Variants in TEAD1 observed in about 807,000 individuals in gnomAD.
TEAD1 encodes transcriptional enhancer factor TEF-1.
TEAD1 carries 9 observed loss-of-function variants against 54.9 expected under a neutral mutation model. That is an observed-to-expected ratio of 0.16 (90% confidence interval 0.10 to 0.29). The LOEUF (loss-of-function observed/expected upper bound fraction) is 0.29, where lower values mean the gene tolerates loss of function less well. TEAD1 is among the 10% of genes least tolerant of loss of function. The probability of loss-of-function intolerance (pLI) is 1.00; values close to 1 mark genes in which losing one functional copy is unlikely to be tolerated. For synonymous variants in TEAD1, 200 were observed against 187.8 expected, an observed-to-expected ratio of 1.07 and a Z score of -0.53; for missense variants, 387 against 535.9, an observed-to-expected ratio of 0.72 and a Z score of 2.74.
intron 3 of TEAD1, among the ~76,000 whole-genome samples, chr11:12,812,759 A>G (rs542657651): frequency 2.0e-5 from 3 of 152,324 alleles, no homozygotes; most frequent in South Asian, 4.1e-4. Flanking sequence ...TCTTCACCAA[A>G]TCATTCCCTT....
intron 3 of TEAD1, among the ~76,000 whole-genome samples, chr11:12,796,392 A>AGGAAGAGTTGC (rs1262889822): frequency 2.6e-5 from 4 of 152,210 alleles, no homozygotes; most frequent in African/African-American, 9.6e-5. Context: ...TTGGGGTACA[A>AGGAAGAGTTGC]GGAAGAGTTG....
chr11:12,704,929 A>T (rs1167256682), intron 2 of TEAD1, among the ~76,000 whole-genome samples: 1 of 152,244 alleles, frequency 6.6e-6, no homozygotes, highest in African/African-American at 2.4e-5. Flanking sequence ...ATTTATGCTA[A>T]TGAAAACATA....
chr11:12,928,899 G>T (rs78117148), intron 11 of TEAD1, among the ~76,000 whole-genome samples: 1 of 152,154 alleles, frequency 6.6e-6, no homozygotes, highest in East Asian at 1.9e-4. Context: ...TCTCTTAGCA[G>T]TTTTCGAGGA....
intron 2 of TEAD1, among the ~76,000 whole-genome samples, chr11:12,736,250 T>C (rs1590099045): frequency 6.6e-6 from 1 of 152,224 alleles, no homozygotes; most frequent in South Asian, 2.1e-4. Flanking sequence ...TATGTGGACA[T>C]GTGTACAGCC....
intron 2 of TEAD1, among the ~76,000 whole-genome samples, chr11:12,754,031 A>G (rs1465471485): frequency 6.6e-6 from 1 of 152,238 alleles, no homozygotes; most frequent in African/African-American, 2.4e-5. Flanking sequence ...GTTACAAATC[A>G]AGTGAACGTA....
At chr11:12,729,512 G>T (rs1311997178) in intron 2 of TEAD1, among the ~76,000 whole-genome samples, 1 of 152,218 alleles carries the variant, frequency 6.6e-6, no homozygotes, top group East Asian at 1.9e-4. Context: ...GTGCACTAGG[G>T]ATTGTGGAGA....
chr11:12,748,795 G>T (rs1944805321), intron 2 of TEAD1, among the ~76,000 whole-genome samples: 1 of 151,750 alleles, frequency 6.6e-6, no homozygotes, highest in African/African-American at 2.4e-5. Context: ...AGGCAGAAAT[G>T]GTGCGGTCCT....
intron 2 of TEAD1, among the ~76,000 whole-genome samples, chr11:12,709,064 G>A (rs977244280): frequency 1.3e-5 from 2 of 152,152 alleles, no homozygotes; most frequent in Non-Finnish European, 2.9e-5. Context: ...TGGGCTGGGT[G>A]CGGTAGCTCA....
chr11:12,892,064 G>A (rs1231930507), intron 9 of TEAD1, among the ~76,000 whole-genome samples: 1 of 152,240 alleles, frequency 6.6e-6, no homozygotes, highest in Non-Finnish European at 1.5e-5. Context: ...GAGCCCGCAT[G>A]GAAGGTCTGT....
At chr11:12,828,221 A>G (rs1192340662) in intron 3 of TEAD1, 6 of 152,208 alleles carry the variant, frequency 3.9e-5, no homozygotes, top group Admixed American at 1.3e-4. Context: ...CTTGATTCAC[A>G]AGGACGCTAA....
At chr11:12,768,590 T>C (rs1945254039) in intron 3 of TEAD1, among the ~76,000 whole-genome samples, 1 of 152,210 alleles carries the variant, frequency 6.6e-6, no homozygotes, top group Admixed American at 6.5e-5. Context: ...GGTTTCAAAT[T>C]CAGGGCTGTC....
intron 3 of TEAD1, 117 bp downstream of exon 3, chr11:12,764,551 A>G: frequency 8.0e-7 from 1 of 1,249,284 alleles, no homozygotes; most frequent in Non-Finnish European, 1.2e-6. Flanking sequence ...TGATATTTGT[A>G]GAATTTTAGT....
chr11:12,707,291 G>T (rs1015407022), intron 2 of TEAD1, among the ~76,000 whole-genome samples: 4 of 151,912 alleles, frequency 2.6e-5, no homozygotes, highest in African/African-American at 9.7e-5. Context: ...TCCTCCTCAT[G>T]CTGTTTGCTT....
At chr11:12,914,700 C>T (rs554738714) in intron 10 of TEAD1, among the ~76,000 whole-genome samples, 1 of 152,372 alleles carries the variant, frequency 6.6e-6, no homozygotes, top group South Asian at 2.1e-4. Flanking sequence ...TCCCCCTTCT[C>T]TCTGCCCATG....
intron 10 of TEAD1, among the ~76,000 whole-genome samples, chr11:12,908,590 A>G (rs1039500860): frequency 1.3e-5 from 2 of 152,220 alleles, no homozygotes; most frequent in South Asian, 2.1e-4. Flanking sequence ...TGAATAAACT[A>G]TTACCAGGAA....
intron 2 of TEAD1, among the ~76,000 whole-genome samples, chr11:12,724,645 T>G (rs1204862163): frequency 2.0e-5 from 3 of 152,196 alleles, no homozygotes; most frequent in African/African-American, 4.8e-5. Flanking sequence ...CAGGTGCCTT[T>G]GAAACACTGC....
intron 2 of TEAD1, among the ~76,000 whole-genome samples, chr11:12,731,996 T>A (rs1944434428): frequency 6.6e-6 from 1 of 152,210 alleles, no homozygotes; most frequent in Admixed American, 6.5e-5. Flanking sequence ...TACAGGGCCT[T>A]GTCACACTGA....
At chr11:12,819,970 G>C (rs2134001082) in intron 3 of TEAD1, among the ~76,000 whole-genome samples, 1 of 131,710 alleles carries the variant, frequency 7.6e-6, no homozygotes, top group South Asian at 2.6e-4. Context: ...TAGAGGTGGA[G>C]AAACAGAATG....
At chr11:12,828,503 TGG>T (rs1946702159) in intron 3 of TEAD1, among the ~76,000 whole-genome samples, 1 of 152,286 alleles carries the variant, frequency 6.6e-6, no homozygotes, top group Admixed American at 6.5e-5. Flanking sequence ...TTGTGCTGTG[TGG>T]GTTGGTTTCA....
Sources: allele counts gnomAD v4.1 joint callset (sites outside exome capture counted in the v4.1 genomes callset), GRCh38; gene constraint gnomAD v4.1.1; transcripts MANE v1.5; gene names NCBI Gene and HGNC (gene_info 2026-07-23, HGNC 2026-07-21).